PTPRD: variants seen among roughly 807,000 people sequenced by gnomAD.
PTPRD encodes protein tyrosine phosphatase receptor type D.
PTPRD carries 34 observed loss-of-function variants against 214.5 expected under a neutral mutation model. That is an observed-to-expected ratio of 0.16 (90% CI 0.12 to 0.21). The LOEUF is 0.21. Among genes scored for constraint, PTPRD ranks in the 10% least tolerant of loss-of-function variants. PTPRD has a pLI of 1.00. For synonymous variants in PTPRD, 1,128 were observed against 845.7 expected (o/e 1.33, Z -5.79); for missense variants, 2,545 against 2,398.7 (o/e 1.06, Z -1.27).
At chr9:10,016,492 G>T (rs1483473943) in intron 4 of PTPRD, among the ~76,000 whole-genome samples, 1 of 152,040 alleles carries the variant, frequency 6.6e-6, no homozygotes. Context: ...CTAAAACTGT[G>T]GGTGAAAGTT....
chr9:10,183,979 T>C (rs2154310656), intron 3 of PTPRD, among the ~76,000 whole-genome samples: 1 of 152,338 alleles, frequency 6.6e-6, no homozygotes, highest in East Asian at 1.9e-4. Context: ...TTTAAATTCA[T>C]ACATTAAAAT....
intron 3 of PTPRD, among the ~76,000 whole-genome samples, chr9:10,061,259 G>A (rs1465535763): frequency 6.6e-6 from 1 of 151,888 alleles, no homozygotes; most frequent in Non-Finnish European, 1.5e-5. Flanking sequence ...CCTGCAACAG[G>A]AAAGGAGAAA....
At chr9:9,971,700 G>C (rs1384677282) in intron 4 of PTPRD, among the ~76,000 whole-genome samples, 2 of 152,228 alleles carry the variant, frequency 1.3e-5, no homozygotes, top group East Asian at 3.9e-4. Flanking sequence ...TGTGCAAATA[G>C]CACCACCAAG....
chr9:9,084,072 T>A (rs569041690), intron 10 of PTPRD, among the ~76,000 whole-genome samples: 73 of 152,300 alleles, frequency 4.8e-4, no homozygotes, highest in African/African-American at 1.5e-3. Context: ...CAAAGGATTA[T>A]AAATCATTCT....
chr9:10,394,957 C>CTTTTTTT (rs34786789), intron 2 of PTPRD, among the ~76,000 whole-genome samples: 338 of 132,790 alleles, frequency 2.5e-3, no homozygotes, highest in East Asian at 0.015. Context: ...TTTTCTTTTT[C>CTTTTTTT]TTTTTTTTTT....
At chr9:10,018,845 G>A (rs1045492670) in intron 4 of PTPRD, among the ~76,000 whole-genome samples, 6 of 151,930 alleles carry the variant, frequency 3.9e-5, no homozygotes, top group Non-Finnish European at 8.8e-5. Flanking sequence ...CACCGCGCCC[G>A]GCCAGAATTA....
rs757038656 is a variant in PTPRD, at chr9:8,404,553, G to A, written c.4194C>T (p.Leu1398=). 1 of 1,612,430 alleles carries A rather than the reference G, an allele frequency of 6.2e-7. No individual in the cohort carries two copies. The part of the protein sequence containing the change: ...NVIAYDHSRV[L]LSAIEGIPGS... ...TTTCCTTACCTTCTATAGCTGATAG[G>A]AGAACCCGGGAATGATCATATGCGA... The change falls in exon 36 of 46, where the codon CTC becomes CTT. Residue 1398 remains leucine (L), a synonymous_variant. Coordinates refer to ENST00000381196, the MANE Select transcript of PTPRD (RefSeq NM_002839.4).
intron 3 of PTPRD, among the ~76,000 whole-genome samples, chr9:10,304,422 C>A (rs567343269): frequency 1.8e-4 from 28 of 152,208 alleles, no homozygotes; most frequent in African/African-American, 6.3e-4. Flanking sequence ...GTGAATCAGG[C>A]AGGAGAAAGA....
At chr9:9,727,834 T>C (rs532208338) in intron 7 of PTPRD, among the ~76,000 whole-genome samples, 1 of 152,294 alleles carries the variant, frequency 6.6e-6, no homozygotes, top group African/African-American at 2.4e-5. Flanking sequence ...ACCTCTCAAG[T>C]TGGGTTGAAC....
intron 32 of PTPRD, 70 bp downstream of exon 32, chr9:8,465,396 C>G: frequency 7.0e-7 from 1 of 1,435,980 alleles, no homozygotes; most frequent in Non-Finnish European, 9.6e-7. Context: ...CACAAATCCC[C>G]AAATAACCAC....
At chr9:10,109,357 G>A (rs1397172856) in intron 3 of PTPRD, among the ~76,000 whole-genome samples, 1 of 152,104 alleles carries the variant, frequency 6.6e-6, no homozygotes, top group South Asian at 2.1e-4. Context: ...AGATATTTTG[G>A]GGAACAAAGT....
At position 10,077,760 on chromosome 9, in the gene PTPRD, T is replaced by C. The variant is rs542951994; in HGVS notation, c.-544-43970A>G. Among the ~76,000 whole-genome samples, 4 of 152,258 alleles carry C rather than the reference T, an allele frequency of 2.6e-5. No individual in the cohort carries two copies. The South Asian group carries it at 6.2e-4, about 24-fold the overall frequency. ...AGAACCTTTGGTATTTGTTTTTCTG[T>C]TCTCAAGTTAGTTCACTTAGGATAA... On this transcript the variant is annotated intron_variant, in intron 3 of 45. Coordinates refer to ENST00000381196, the MANE Select transcript of PTPRD (RefSeq NM_002839.4).
chr9:9,108,403 TGTG>T (rs1402227147), intron 10 of PTPRD, among the ~76,000 whole-genome samples: 1 of 152,158 alleles, frequency 6.6e-6, no homozygotes, highest in African/African-American at 2.4e-5. Context: ...TTAGGTAGGC[TGTG>T]CTATGCTGCA....
intron 12 of PTPRD, among the ~76,000 whole-genome samples, chr9:8,691,536 A>G (rs914596829): frequency 2.6e-5 from 4 of 152,206 alleles, no homozygotes; most frequent in African/African-American, 7.2e-5. Flanking sequence ...ATCTCTATAA[A>G]TCTTGAAATT....
In PTPRD at chr9:8,398,449, T is replaced by A. The variant is rs58822450; in HGVS notation, c.4210+6088A>T. Among the ~76,000 whole-genome samples, 354 of 152,226 alleles carry A rather than the reference T, an allele frequency of 2.3e-3. 1 individual carries two copies. The highest frequency in any genetic ancestry group is 8.4e-3 in the African/African-American group (348 of 41,542). Reference sequence around the variant, plus strand: ...TTACTTATTAAAGAGATGAAGTGAATAAATATATTTATGTTTTGGAACTTT... The same window carrying A: ...TTACTTATTAAAGAGATGAAGTGAAAAAATATATTTATGTTTTGGAACTTT... On this transcript the variant is annotated intron_variant, in intron 36 of 45. Coordinates refer to ENST00000381196, the MANE Select transcript of PTPRD (RefSeq NM_002839.4).
intron 10 of PTPRD, among the ~76,000 whole-genome samples, chr9:9,161,765 C>T (rs1185632891): frequency 6.6e-6 from 1 of 152,042 alleles, no homozygotes; most frequent in African/African-American, 2.4e-5. Flanking sequence ...TACATACATA[C>T]TTGTGTATCA....
chr9:10,502,566 G>A (rs1468975932), intron 2 of PTPRD, among the ~76,000 whole-genome samples: 1 of 151,744 alleles, frequency 6.6e-6, no homozygotes, highest in Non-Finnish European at 1.5e-5. Flanking sequence ...ATATTTTTTT[G>A]CAAGCAAGTT....
intron 12 of PTPRD, among the ~76,000 whole-genome samples, chr9:8,680,459 C>T (rs1036360048): frequency 6.6e-6 from 1 of 152,204 alleles, no homozygotes; most frequent in African/African-American, 2.4e-5. Flanking sequence ...TCATAAGTGA[C>T]TGCCCACCTT....
intron 12 of PTPRD, among the ~76,000 whole-genome samples, chr9:8,723,333 A>T (rs1452101694): frequency 1.3e-5 from 2 of 152,022 alleles, no homozygotes; most frequent in Admixed American, 1.3e-4. Context: ...TGACAAACCA[A>T]ACCAAGACCT....
Sources: allele counts gnomAD v4.1 joint callset (sites outside exome capture counted in the v4.1 genomes callset), GRCh38; gene constraint gnomAD v4.1.1; transcripts MANE v1.5; gene names NCBI Gene and HGNC (gene_info 2026-07-23, HGNC 2026-07-21).